Variants in CASP8 observed in about 807,000 individuals in gnomAD.
CASP8 encodes caspase-8.
CASP8 carries 24 observed loss-of-function variants against 46.3 expected under a neutral mutation model. The observed-to-expected ratio is 0.52, with a 90% CI of 0.38 to 0.73. CASP8 has a LOEUF of 0.73. Among genes scored for constraint, CASP8 ranks in the 30% least tolerant of loss-of-function variants. The probability of loss-of-function intolerance (pLI) is 0.00; values close to 1 mark genes in which losing one functional copy is unlikely to be tolerated. For missense variants in CASP8, 460 were observed against 559.0 expected, an observed-to-expected ratio of 0.82 and a Z score of 1.79; for synonymous variants, 188 against 200.4, an observed-to-expected ratio of 0.94 and a Z score of 0.52.
intron 7 of CASP8, chr2:201,277,869 T>C (rs981168463): frequency 1.9e-5 from 5 of 265,412 alleles, no homozygotes; most frequent in East Asian, 1.5e-4. Flanking sequence ...CATGGCTAAT[T>C]TTTGTATTTT....
At chr2:201,279,871 T>G (rs1054354422) in intron 7 of CASP8, among the ~76,000 whole-genome samples, 22 of 152,148 alleles carry the variant, frequency 1.4e-4, no homozygotes, top group African/African-American at 5.3e-4. Flanking sequence ...AAGAATCACT[T>G]GAACCTGGGA....
chr2:201,268,792 G>C (rs34888224), intron 2 of CASP8, among the ~76,000 whole-genome samples: 12,157 of 152,086 alleles, frequency 0.08, 798 homozygotes, highest in African/African-American at 0.18. Flanking sequence ...TCCTTGTCTT[G>C]TAGATGAGGC....
At chr2:201,273,902 T>G (rs1453458530) in intron 5 of CASP8, among the ~76,000 whole-genome samples, 3 of 152,132 alleles carry the variant, frequency 2.0e-5, no homozygotes, top group Non-Finnish European at 4.4e-5. Context: ...CTTGAACTCC[T>G]GAGCTCAAGC....
At position 201,284,945 on chromosome 2, in the gene CASP8, T is replaced by C. The variant is rs1949484395; in HGVS notation, c.932T>C (p.Ile311Thr). 1 of 1,614,054 alleles carries C rather than the reference T, an allele frequency of 6.2e-7. No individual in the cohort carries two copies. The highest frequency in any genetic ancestry group is 1.1e-5 in the South Asian group (1 of 91,092). ...GACCACAGTAACATGGACTGCTTCA[T>C]CTGCTGTATCCTCTCCCATGGAGAC... The part of the protein sequence containing the change: ...LMDHSNMDCF[I>T]CCILSHGDKG... Residue 311 changes from isoleucine to threonine, a missense_variant, in exon 8 of 9, where the codon ATC (isoleucine) becomes ACC (threonine). Transcript: ENST00000673742.
intron 2 of CASP8, among the ~76,000 whole-genome samples, chr2:201,235,960 GCCTAGGTGTGTAGTAGGCTATACCAT>G (rs1460217993): frequency 6.6e-6 from 1 of 152,142 alleles, no homozygotes; most frequent in Non-Finnish European, 1.5e-5. Context: ...AGACCATATA[GCCTAGGTGTGTAGTAGGCTATACCAT>G]CTAGGTTTTG....
chr2:201,238,221 A>G (rs1352593679), intron 2 of CASP8, among the ~76,000 whole-genome samples: 1 of 152,192 alleles, frequency 6.6e-6, no homozygotes, highest in Non-Finnish European at 1.5e-5. Flanking sequence ...GCTGAAATCC[A>G]GGTGACCCAG....
chr2:201,239,070 G>A (rs529987309), intron 2 of CASP8, among the ~76,000 whole-genome samples: 137 of 152,288 alleles, frequency 9.0e-4, no homozygotes, highest in Non-Finnish European at 1.1e-3. Flanking sequence ...GTTTCAGAGA[G>A]CACAGGGTTG....
At chr2:201,251,606 A>G (rs928417376) in intron 2 of CASP8, among the ~76,000 whole-genome samples, 8 of 138,086 alleles carry the variant, frequency 5.8e-5, no homozygotes, top group Non-Finnish European at 1.1e-4. Flanking sequence ...AAAAAAAAAA[A>G]AAAGAAAAAA....
chr2:201,278,778 C>T (rs1038835541), intron 7 of CASP8, among the ~76,000 whole-genome samples: 9 of 152,182 alleles, frequency 5.9e-5, no homozygotes, highest in South Asian at 4.1e-4. Flanking sequence ...GTGATCCACT[C>T]GCCTCGGCCT....
intron 2 of CASP8, among the ~76,000 whole-genome samples, chr2:201,234,341 C>T (rs1265490157): frequency 6.6e-6 from 1 of 152,226 alleles, no homozygotes; most frequent in Non-Finnish European, 1.5e-5. Flanking sequence ...AATGCATTGT[C>T]TTCCTATAGT....
chr2:201,235,453 T>C (rs1946009216), intron 2 of CASP8, among the ~76,000 whole-genome samples: 1 of 152,220 alleles, frequency 6.6e-6, no homozygotes, highest in Admixed American at 6.5e-5. Flanking sequence ...TTTCCAGTTG[T>C]TTTTTATTCG....
At chr2:201,250,421 A>G (rs561156884) in intron 2 of CASP8, among the ~76,000 whole-genome samples, 7 of 152,330 alleles carry the variant, frequency 4.6e-5, no homozygotes, top group African/African-American at 1.7e-4. Context: ...AGGAAGCATG[A>G]TGCTGGCATC....
At chr2:201,280,600 C>T (rs1249944252) in intron 7 of CASP8, among the ~76,000 whole-genome samples, 1 of 152,124 alleles carries the variant, frequency 6.6e-6, no homozygotes, top group Non-Finnish European at 1.5e-5. Context: ...AAGACTCATA[C>T]AGGGGCTCAA....
intron 2 of CASP8, among the ~76,000 whole-genome samples, chr2:201,237,359 G>A (rs1228173920): frequency 6.7e-6 from 1 of 149,450 alleles, no homozygotes; most frequent in Non-Finnish European, 1.5e-5. Context: ...CCAAAGTGCT[G>A]GGATTACAGG....
chr2:201,284,954 TC>T lies in CASP8; in HGVS notation c.943del (p.Leu315SerfsTer22). ...AACATGGACTGCTTCATCTGCTGTA[TC>T]CTCTCCCATGGAGACAAGGGCATCA... is the stretch of plus-strand genomic sequence containing the variant. ...HSNMDCFICC[I>X]LSHGDKGIIY... On this transcript the variant is annotated frameshift_variant, in exon 8 of 9. Coordinates refer to ENST00000673742, the MANE Select transcript of CASP8 (RefSeq NM_001372051.1). LOFTEE classifies it high-confidence loss of function. 1 of 1,614,152 alleles carries T rather than the reference TC, an allele frequency of 6.2e-7. No individual in the cohort carries two copies. The highest frequency in any genetic ancestry group is 8.5e-7 in the Non-Finnish European group (1 of 1,180,028).
At chr2:201,245,486 C>T (rs1247179454) in intron 2 of CASP8, among the ~76,000 whole-genome samples, 2 of 152,226 alleles carry the variant, frequency 1.3e-5, no homozygotes, top group African/African-American at 4.8e-5. Flanking sequence ...AGTGATCCGC[C>T]CACCTCGGCC....
At chr2:201,261,686 C>G (rs1032720777) in intron 1 of CASP8, among the ~76,000 whole-genome samples, 6 of 152,156 alleles carry the variant, frequency 3.9e-5, no homozygotes, top group African/African-American at 1.4e-4. Flanking sequence ...GGCAGCCAGC[C>G]TGGATTGGAG....
At position 201,271,525 on chromosome 2, in the gene CASP8, C is replaced by T. The variant is rs868832788; in HGVS notation, c.315C>T (p.Leu105=). 4 of 1,593,730 alleles carry T rather than the reference C, an allele frequency of 2.5e-6. No homozygotes were observed. Among genetic ancestry groups the T allele is most frequent in the Middle Eastern group, 1.7e-4 (1 of 6,054 alleles). The change falls in exon 3 of 9, where the codon CTC becomes CTT. Residue 105 remains leucine, a synonymous_variant. Coordinates refer to ENST00000673742, the MANE Select transcript of CASP8 (RefSeq NM_001372051.1). ...CCATTTCCCACCACAGGGTCATGCT[C>T]TATCAGATTTCAGAAGAAGTGAGCA... ...RAQISAYRVM[L]YQISEEVSRS... is the part of the protein sequence containing the mutation.
At chr2:201,239,223 C>T (rs1946191598) in intron 2 of CASP8, among the ~76,000 whole-genome samples, 1 of 152,234 alleles carries the variant, frequency 6.6e-6, no homozygotes, top group South Asian at 2.1e-4. Context: ...CACCTTTCCC[C>T]CCTTTCTGTT....
Sources: gnomAD v4.1 joint callset for allele counts (sites outside exome capture counted in the v4.1 genomes callset) on GRCh38, gnomAD v4.1.1 for gene constraint, MANE v1.5 for transcripts, NCBI Gene and HGNC (gene_info 2026-07-23, HGNC 2026-07-21) for gene names.